Variants in PALLD observed in about 807,000 individuals in gnomAD.
PALLD encodes the protein palladin.
PALLD carries 61 observed loss-of-function variants against 123.5 expected under a neutral mutation model. The observed-to-expected ratio is 0.49, with a 90% CI of 0.40 to 0.61. PALLD has a LOEUF of 0.61. PALLD is among the 20% of genes least tolerant of loss of function. The probability of loss-of-function intolerance (pLI) is 0.00; values close to 1 mark genes in which losing one functional copy is unlikely to be tolerated. For synonymous variants in PALLD, 465 were observed against 496.4 expected (o/e 0.94, Z 0.84); for missense variants, 1,273 against 1,377.0 (o/e 0.92, Z 1.20).
intron 2 of PALLD, among the ~76,000 whole-genome samples, chr4:168,546,388 C>T (rs1277422467): frequency 6.7e-6 from 1 of 148,414 alleles, no homozygotes; most frequent in Non-Finnish European, 1.5e-5. Flanking sequence ...CTTAAGCTTT[C>T]CTTGCCTCCC....
intron 10 of PALLD, among the ~76,000 whole-genome samples, chr4:168,798,083 C>A (rs1226526652): frequency 6.6e-6 from 1 of 152,164 alleles, no homozygotes; most frequent in African/African-American, 2.4e-5. Context: ...TTTGTCCCGA[C>A]ACTAATAGAG....
chr4:168,672,604 G>A lies in PALLD; in HGVS notation c.1087+4236G>A, dbSNP rs562766601. ...CTCCCGAGTAGCTGGGACTACAGGC[G>A]CCTGCCACCACGCCCGTCTAATTTT... On this transcript the variant is annotated intron_variant, in intron 3 of 21. Coordinates refer to ENST00000505667, the MANE Select transcript of PALLD (RefSeq NM_001166108.2). 1.0e-3 allele frequency among the ~76,000 whole-genome samples: 157 copies of A among 152,084 alleles called. 2 individuals are homozygous for A. The highest frequency in any genetic ancestry group is 4.0e-3 in the Admixed American group (61 of 15,290).
At position 168,589,833 on chromosome 4, in the gene PALLD, A is replaced by G. The variant is rs1175504615; in HGVS notation, c.908+77421A>G. 2.0e-5 allele frequency among the ~76,000 whole-genome samples: 3 copies of G among 152,318 alleles called. No homozygotes were observed. The East Asian group carries it at 5.8e-4, about 29-fold the overall frequency. Reference sequence around the variant, plus strand: ...TCTTGAAGGTCTCTAAGGATTCCCAACTGCTTTTCCTCTCATGATCCTCTC... The same window carrying G: ...TCTTGAAGGTCTCTAAGGATTCCCAGCTGCTTTTCCTCTCATGATCCTCTC... On this transcript the variant is annotated intron_variant, in intron 2 of 21. Coordinates refer to ENST00000505667, the MANE Select transcript of PALLD (RefSeq NM_001166108.2).
intron 3 of PALLD, among the ~76,000 whole-genome samples, chr4:168,669,857 T>A (rs1304838990): frequency 6.6e-6 from 1 of 151,916 alleles, no homozygotes; most frequent in Non-Finnish European, 1.5e-5. Flanking sequence ...CTACGAGGTA[T>A]TATTAGTGTT....
At chr4:168,533,729 G>C (rs1204415585) in intron 2 of PALLD, among the ~76,000 whole-genome samples, 1 of 152,096 alleles carries the variant, frequency 6.6e-6, no homozygotes, top group African/African-American at 2.4e-5. Flanking sequence ...AGAAAGAAAA[G>C]GACTCATGAC....
At chr4:168,525,627 A>G (rs1282054026) in intron 2 of PALLD, among the ~76,000 whole-genome samples, 1 of 152,232 alleles carries the variant, frequency 6.6e-6, no homozygotes, top group Non-Finnish European at 1.5e-5. Context: ...GGGGATTGGC[A>G]CATATGTTGT....
intron 10 of PALLD, among the ~76,000 whole-genome samples, chr4:168,829,810 C>T (rs1482465042): frequency 1.3e-5 from 2 of 152,220 alleles, no homozygotes; most frequent in East Asian, 1.9e-4. Context: ...GTGATTTTCA[C>T]TCTTTAAAGT....
intron 2 of PALLD, among the ~76,000 whole-genome samples, chr4:168,584,229 T>TA (rs202062740): frequency 6.7e-6 from 1 of 149,900 alleles, no homozygotes; most frequent in Non-Finnish European, 1.5e-5. Context: ...TTTTTTTTTT[T>TA]ACCTCGTCTT....
At chr4:168,847,802 T>C (rs1406073470) in intron 10 of PALLD, among the ~76,000 whole-genome samples, 3 of 152,134 alleles carry the variant, frequency 2.0e-5, no homozygotes, top group African/African-American at 7.2e-5. Context: ...ATCCTTTGTA[T>C]TACAAACAAT....
At chr4:168,905,968 C>T (rs942240709) in intron 15 of PALLD, among the ~76,000 whole-genome samples, 23 of 151,946 alleles carry the variant, frequency 1.5e-4, no homozygotes, top group African/African-American at 4.8e-4. Context: ...GACGGGGTTT[C>T]ACCTCAGGTG....
chr4:168,660,493 G>A (rs199804395), intron 2 of PALLD, among the ~76,000 whole-genome samples: 3 of 152,262 alleles, frequency 2.0e-5, no homozygotes, highest in East Asian at 3.9e-4. Context: ...CTGCTAGTGC[G>A]ATAATGTGAT....
intron 8 of PALLD, among the ~76,000 whole-genome samples, chr4:168,698,352 A>C (rs1783352304): frequency 6.6e-6 from 1 of 152,174 alleles, no homozygotes; most frequent in Admixed American, 6.5e-5. Flanking sequence ...TAACTATAAG[A>C]GTGTAATTGG....
intron 10 of PALLD, among the ~76,000 whole-genome samples, chr4:168,801,146 C>T (rs1380475840): frequency 3.9e-5 from 6 of 152,138 alleles, no homozygotes; most frequent in Non-Finnish European, 7.4e-5. Context: ...GTCAGGATTG[C>T]GGTTACCCTG....
At chr4:168,855,715 A>G (rs1748514284) in intron 10 of PALLD, among the ~76,000 whole-genome samples, 1 of 152,220 alleles carries the variant, frequency 6.6e-6, no homozygotes, top group South Asian at 2.1e-4. Flanking sequence ...ACATTTGGAC[A>G]CTGAATTATT....
At chr4:168,883,210 T>A (rs112369588) in intron 10 of PALLD, among the ~76,000 whole-genome samples, 1,914 of 152,334 alleles carry the variant, frequency 0.013, 54 homozygotes, top group African/African-American at 0.044. Flanking sequence ...AAATATGAGC[T>A]TAAGTTACCC....
intron 10 of PALLD, among the ~76,000 whole-genome samples, chr4:168,737,485 T>C (rs1275417522): frequency 6.6e-6 from 1 of 152,134 alleles, no homozygotes; most frequent in Non-Finnish European, 1.5e-5. Context: ...CATGCTCACT[T>C]ACTGGGTGAC....
chr4:168,577,038 G>A (rs184792974), intron 2 of PALLD, among the ~76,000 whole-genome samples: 1 of 152,098 alleles, frequency 6.6e-6, no homozygotes, highest in Non-Finnish European at 1.5e-5. Context: ...ATTTAAAAGA[G>A]TTTAATTGAG....
rs924106876 is a variant in PALLD at position 168,786,653 on chromosome 4, G to C, written c.1964+74730G>C. 1.5e-4 allele frequency among the ~76,000 whole-genome samples: 23 copies of C among 152,330 alleles called. No individual in the cohort carries two copies. In the East Asian group the frequency reaches 4.4e-3, roughly 29 times the overall value. On this transcript the variant is annotated intron_variant, in intron 10 of 21. Coordinates refer to ENST00000505667, the MANE Select transcript of PALLD (RefSeq NM_001166108.2). Reference sequence around the variant, plus strand: ...CCACTGCATTCTAGCTTGGGCAACAGAGCGAGACCCTGTCTCAAAAAATAC... The same window carrying C: ...CCACTGCATTCTAGCTTGGGCAACACAGCGAGACCCTGTCTCAAAAAATAC...
chr4:168,666,772 G>C (rs1193174537), intron 2 of PALLD, among the ~76,000 whole-genome samples: 1 of 152,248 alleles, frequency 6.6e-6, no homozygotes, highest in East Asian at 1.9e-4. Flanking sequence ...GTGATGGAGA[G>C]ACCAATTAAA....
Sources: gnomAD v4.1 joint callset for allele counts (sites outside exome capture counted in the v4.1 genomes callset) on GRCh38, gnomAD v4.1.1 for gene constraint, MANE v1.5 for transcripts, NCBI Gene and HGNC (gene_info 2026-07-23, HGNC 2026-07-21) for gene names.